The following ARHGAP6 variants were observed in gnomAD, a reference collection of about 807,000 sequenced individuals.
ARHGAP6 encodes Rho GTPase activating protein 6.
Under a neutral mutation model 55.7 loss-of-function variants are expected in ARHGAP6, and 16 were observed. That is an observed-to-expected ratio of 0.29 (90% CI 0.19 to 0.44). The LOEUF (loss-of-function observed/expected upper bound fraction) is 0.44. Ranked by LOEUF, ARHGAP6 falls within the 20% of genes least tolerant of loss-of-function variation. The pLI, the probability that ARHGAP6 is intolerant of heterozygous loss-of-function variation, is 1.00. For missense variants in ARHGAP6, 698 were observed against 808.9 expected (o/e 0.86, Z 1.66); for synonymous variants, 382 against 360.9 (o/e 1.06, Z -0.66).
chrX:11,178,321 T>G, intron 7 of ARHGAP6, 73 bp from the exon 8 acceptor site: 1 of 1,051,317 alleles, frequency 9.5e-7, no homozygotes, highest in Non-Finnish European at 1.3e-6. Context: ...AAAGGCCTCC[T>G]CTCAATTGTC....
At chrX:11,432,032 G>C (rs146237332) in intron 1 of ARHGAP6, among the ~76,000 whole-genome samples, 1 of 111,864 alleles carries the variant, frequency 8.9e-6, no homozygotes, top group African/African-American at 3.3e-5. Flanking sequence ...TTCCCCCTAC[G>C]CCAATTGTGG....
intron 1 of ARHGAP6, among the ~76,000 whole-genome samples, chrX:11,379,272 C>T (rs1345221536): frequency 8.9e-6 from 1 of 112,271 alleles, no homozygotes; most frequent in Admixed American, 9.4e-5. Flanking sequence ...CTCCATGTCC[C>T]TATTGGCCAA....
intron 1 of ARHGAP6, among the ~76,000 whole-genome samples, chrX:11,644,045 T>G (rs2052502862): frequency 9.0e-6 from 1 of 111,658 alleles, no homozygotes; most frequent in African/African-American, 3.3e-5. Flanking sequence ...TGGTTGTCTG[T>G]TATACAACTT....
At chrX:11,357,797 A>G (rs1216429808) in intron 1 of ARHGAP6, among the ~76,000 whole-genome samples, 1 of 111,973 alleles carries the variant, frequency 8.9e-6, no homozygotes, top group African/African-American at 3.2e-5. Flanking sequence ...TACTTAATAA[A>G]TATCTGTTGT....
rs780787803 is a variant in ARHGAP6, at chrX:11,411,764, C to T, written c.589-157057G>A. ...TTGTATAATATTGATTTTAATCCTTCATTTGTAAATAAGTACTTTTTGATT... is the reference window on the plus strand; with the variant it reads ...TTGTATAATATTGATTTTAATCCTTTATTTGTAAATAAGTACTTTTTGATT... On this transcript the variant is annotated intron_variant, in intron 1 of 12. Coordinates refer to ENST00000337414, the MANE Select transcript of ARHGAP6 (RefSeq NM_013427.3). Among the ~76,000 whole-genome samples the T allele has an allele frequency of 9.1e-4, 102 of 111,895 alleles. 1 individual carries two copies. Among genetic ancestry groups the T allele is most frequent in the Non-Finnish European group, 1.5e-3 (78 of 53,119 alleles).
At chrX:11,524,781 A>G (rs776961789) in intron 1 of ARHGAP6, among the ~76,000 whole-genome samples, 2 of 110,980 alleles carry the variant, frequency 1.8e-5, no homozygotes, top group Admixed American at 9.7e-5. Flanking sequence ...CTATTATTCC[A>G]TTGTAATATA....
chrX:11,607,286 AATG>A (rs1439529741), intron 1 of ARHGAP6, among the ~76,000 whole-genome samples: 1 of 111,981 alleles, frequency 8.9e-6, no homozygotes, highest in Non-Finnish European at 1.9e-5. Flanking sequence ...CATCTCAAGC[AATG>A]ATATCAACAG....
intron 2 of ARHGAP6, among the ~76,000 whole-genome samples, chrX:11,216,651 C>T (rs1280361830): frequency 2.7e-5 from 3 of 112,237 alleles, no homozygotes; most frequent in Non-Finnish European, 5.6e-5. Context: ...TCACATAAGA[C>T]ATTTCTTCTT....
chrX:11,517,479 T>C (rs2050854397), intron 1 of ARHGAP6, among the ~76,000 whole-genome samples: 1 of 111,805 alleles, frequency 8.9e-6, no homozygotes, highest in African/African-American at 3.2e-5. Flanking sequence ...GTGCACACTG[T>C]TCTCTATCAT....
intron 1 of ARHGAP6, among the ~76,000 whole-genome samples, chrX:11,577,903 C>T (rs765913579): frequency 9.0e-6 from 1 of 111,282 alleles, no homozygotes; most frequent in Non-Finnish European, 1.9e-5. Context: ...TGCCTCCTTT[C>T]TGGTCCCCAG....
intron 1 of ARHGAP6, among the ~76,000 whole-genome samples, chrX:11,576,639 A>G (rs1196966628): frequency 2.7e-5 from 3 of 112,497 alleles, no homozygotes; most frequent in Admixed American, 9.4e-5. Flanking sequence ...GAAGTGTCTT[A>G]ATTTGGGTTC....
At chrX:11,392,599 C>T (rs1025723541) in intron 1 of ARHGAP6, among the ~76,000 whole-genome samples, 2 of 111,451 alleles carry the variant, frequency 1.8e-5, no homozygotes, top group East Asian at 5.6e-4. Context: ...ACATTTATAG[C>T]TTAATCTCAA....
At chrX:11,611,086 G>C (rs2052096795) in intron 1 of ARHGAP6, among the ~76,000 whole-genome samples, 1 of 112,654 alleles carries the variant, frequency 8.9e-6, no homozygotes, top group Non-Finnish European at 1.9e-5. Context: ...AGACACTTGA[G>C]TTGTTTCTAT....
chrX:11,371,902 T>G (rs2049147821), intron 1 of ARHGAP6, among the ~76,000 whole-genome samples: 1 of 112,535 alleles, frequency 8.9e-6, no homozygotes, highest in Admixed American at 9.4e-5. Flanking sequence ...TATTATCATT[T>G]TAATCTAGAT....
At chrX:11,377,993 C>T (rs1358188978) in intron 1 of ARHGAP6, among the ~76,000 whole-genome samples, 2 of 111,807 alleles carry the variant, frequency 1.8e-5, no homozygotes, top group African/African-American at 6.5e-5. Context: ...AGGGCTCTTC[C>T]CTGCATCTAC....
chrX:11,637,064 T>C (rs1190001772), intron 1 of ARHGAP6, among the ~76,000 whole-genome samples: 1 of 111,714 alleles, frequency 9.0e-6, no homozygotes, highest in Non-Finnish European at 1.9e-5. Flanking sequence ...AATAAAAATG[T>C]TGCTTCAATG....
chrX:11,182,736 A>G (rs1170505452), intron 5 of ARHGAP6, among the ~76,000 whole-genome samples: 2 of 102,701 alleles, frequency 1.9e-5, no homozygotes, highest in Admixed American at 1.1e-4. Context: ...TCTGGGCTGC[A>G]GTGATTCTCC....
intron 1 of ARHGAP6, among the ~76,000 whole-genome samples, chrX:11,289,145 T>C (rs1350564959): frequency 8.9e-6 from 1 of 112,201 alleles, no homozygotes; most frequent in African/African-American, 3.2e-5. Flanking sequence ...CTGTATGAAC[T>C]CTTGCTGTGA....
intron 1 of ARHGAP6, among the ~76,000 whole-genome samples, chrX:11,340,962 C>T (rs1435549983): frequency 2.9e-5 from 3 of 104,358 alleles, no homozygotes; most frequent in Non-Finnish European, 3.9e-5. Context: ...TGGAGAAAAA[C>T]GGTCAGATTA....
Sources: allele counts gnomAD v4.1 joint callset (sites outside exome capture counted in the v4.1 genomes callset), GRCh38; gene constraint gnomAD v4.1.1; transcripts MANE v1.5; gene names NCBI Gene and HGNC (gene_info 2026-07-23, HGNC 2026-07-21).